Variants in SYNE1 observed in about 807,000 individuals in gnomAD.
SYNE1 encodes the protein nesprin-1.
A neutral mutation model predicts 1,111.0 loss-of-function variants in SYNE1; 616 were observed. The ratio of observed to expected loss-of-function variants is 0.55; its 90% CI spans 0.52 to 0.59. The LOEUF is 0.59. Ranked by LOEUF, SYNE1 falls within the 20% of genes least tolerant of loss-of-function variation. The probability of loss-of-function intolerance (pLI) is 0.00; values close to 1 mark genes in which losing one functional copy is unlikely to be tolerated. For synonymous variants in SYNE1, 3,855 were observed against 3,825.8 expected, an observed-to-expected ratio of 1.01 and a Z score of -0.28; for missense variants, 10,006 against 10,417.0, an observed-to-expected ratio of 0.96 and a Z score of 1.72.
At position 152,526,411 on chromosome 6, in the gene SYNE1, C is replaced by G. The variant is rs17772087; in HGVS notation, c.130-236G>C. On this transcript the variant is annotated intron_variant, in intron 4 of 145. Transcript: ENST00000367255. ...AACCTCAGAAGATTTAATGCTTGAG[C>G]CTTAATGTATGTACCAGCTTCTTTC... is the stretch of plus-strand genomic sequence containing the variant. 0.047 allele frequency among the ~76,000 whole-genome samples: 7,179 copies of G among 152,186 alleles called. 232 individuals carry two copies. The highest frequency in any genetic ancestry group is 0.066 in the Non-Finnish European group (4,483 of 68,006).
At position 152,145,265 on chromosome 6, in the gene SYNE1, C is replaced by T. The variant is rs950749345; in HGVS notation, c.24977-1500G>A. 3 of 593,366 alleles carry T rather than the reference C, an allele frequency of 5.1e-6. No homozygotes were observed. The African/African-American group carries it at 5.6e-5, about 11-fold the overall frequency. 36.8% of individuals were successfully genotyped at this position (593,366 alleles called of 1,614,324 possible). A position where few individuals can be genotyped will look rare whatever the true frequency, so the allele number is the denominator to read the frequency against. ...GTCTATACCTAATGAGACCAATCAC[C>T]ATTTAACAAGTTGAGAAGTTACTTT... On this transcript the variant is annotated intron_variant, in intron 137 of 145. Coordinates refer to ENST00000367255, the MANE Select transcript of SYNE1 (RefSeq NM_182961.4).
chr6:152,368,814 T>C, intron 61 of SYNE1, 158 bp downstream of exon 61: 1 of 874,260 alleles, frequency 1.1e-6, no homozygotes, highest in Non-Finnish European at 1.9e-6. Flanking sequence ...GAACTCAGAT[T>C]GCAAGGCTAA....
At chr6:152,326,660 T>A in intron 78 of SYNE1, 27 bp from the exon 79 acceptor site, 1 of 1,599,452 alleles carries the variant, frequency 6.3e-7, no homozygotes, top group Non-Finnish European at 8.5e-7. Context: ...GCAAACATAA[T>A]CAACTCTCCT....
rs540474251 is a variant in SYNE1 at position 152,206,514 on chromosome 6, T to C, written c.22825-152A>G. 39 of 776,776 alleles carry C rather than the reference T, an allele frequency of 5.0e-5. No homozygotes were observed. The African/African-American group carries it at 5.7e-4, about 11-fold the overall frequency. The allele number at this position is 776,776 out of a possible 1,614,324, so 48.1% of individuals were successfully genotyped here. On this transcript the variant is annotated intron_variant, in intron 125 of 145. Coordinates refer to ENST00000367255, the MANE Select transcript of SYNE1 (RefSeq NM_182961.4). The stretch of plus-strand genomic sequence containing the variant: ...GCACATGCATGCACCAGTGAATAAA[T>C]GAGTGAGAATACAATGGAGACAGGC...
At chr6:152,322,826 G>T (rs2095909234) in intron 82 of SYNE1, among the ~76,000 whole-genome samples, 1 of 152,144 alleles carries the variant, frequency 6.6e-6, no homozygotes, top group South Asian at 2.1e-4. Context: ...CCCTTCTGAA[G>T]GGATGCCTTC....
chr6:152,402,855 TAA>T (rs1158930722), intron 46 of SYNE1, among the ~76,000 whole-genome samples: 1 of 152,102 alleles, frequency 6.6e-6, no homozygotes, highest in Non-Finnish European at 1.5e-5. Flanking sequence ...CTCAACTCTG[TAA>T]AAGTCCAACT....
chr6:152,373,675 A>G (rs1236673018), intron 58 of SYNE1, among the ~76,000 whole-genome samples: 1 of 112,290 alleles, frequency 8.9e-6, no homozygotes, highest in African/African-American at 3.1e-5. Context: ...TCAAGTTGCA[A>G]ACTACTTTAT....
chr6:152,285,634 A>T (rs1157213400), intron 95 of SYNE1, among the ~76,000 whole-genome samples: 2 of 152,080 alleles, frequency 1.3e-5, no homozygotes, highest in East Asian at 3.9e-4. Flanking sequence ...GCCTTTGAAC[A>T]TGCTGTTCCC....
At chr6:152,336,652 G>C (rs2096396932) in intron 76 of SYNE1, 189 bp downstream of exon 76, 1 of 741,348 alleles carries the variant, frequency 1.3e-6, no homozygotes, top group Non-Finnish European at 2.3e-6. Flanking sequence ...GTGCGGCCAG[G>C]TTCCTAACAG....
In SYNE1 at chr6:152,294,092, C is replaced by G; in HGVS notation, c.17718G>C (p.Arg5906Ser). ...IAYYQALSAE[R>S]LQTDAAKIHP... Reference sequence around the variant, plus strand: ...GAATTTTTGCAGCATCTGTCTGCAACCTCTCAGCAGACAAGGCTTGGTAAT... The same window carrying G: ...GAATTTTTGCAGCATCTGTCTGCAAGCTCTCAGCAGACAAGGCTTGGTAAT... Residue 5906 changes from arginine (R) to serine (S), a missense_variant, in exon 94 of 146, where the codon AGG (arginine) becomes AGC (serine). By Grantham distance (110) the Arg-to-Ser change is moderately radical. Transcript: ENST00000367255. The G allele has an allele frequency of 6.2e-7, 1 of 1,613,800 alleles. No individual in the cohort carries two copies. The highest frequency in any genetic ancestry group is 1.1e-5 in the South Asian group (1 of 91,060).
chr6:152,549,250 T>C (rs2099328849), intron 3 of SYNE1, among the ~76,000 whole-genome samples: 1 of 152,232 alleles, frequency 6.6e-6, no homozygotes, highest in Non-Finnish European at 1.5e-5. Context: ...CTCAATATCG[T>C]ATTCCTAAAG....
At chr6:152,591,872 A>T (rs1297777554) in intron 3 of SYNE1, among the ~76,000 whole-genome samples, 1 of 152,198 alleles carries the variant, frequency 6.6e-6, no homozygotes, top group African/African-American at 2.4e-5. Context: ...TCATGAACAG[A>T]CACTTCTCTA....
intron 63 of SYNE1, among the ~76,000 whole-genome samples, chr6:152,363,996 A>T (rs547542384): frequency 6.6e-6 from 1 of 152,274 alleles, no homozygotes; most frequent in Admixed American, 6.5e-5. Flanking sequence ...ATCATCTTGA[A>T]TTGTAGTTCC....
chr6:152,624,500 G>A (rs573970745), intron 3 of SYNE1, among the ~76,000 whole-genome samples: 6 of 152,220 alleles, frequency 3.9e-5, no homozygotes, highest in East Asian at 3.9e-4. Context: ...AAGTGACTCC[G>A]TAAGCCACCT....
intron 130 of SYNE1, chr6:152,167,907 C>T (rs1413617155): frequency 1.3e-6 from 1 of 760,036 alleles, no homozygotes; most frequent in Admixed American, 1.7e-5. Context: ...CCTTTTTGTC[C>T]AGCTCTGCAT....
chr6:152,430,093 T>C lies in SYNE1; in HGVS notation c.4788+19A>G, dbSNP rs764033698. 4 of 1,502,096 alleles carry C rather than the reference T, an allele frequency of 2.7e-6. No individual in the cohort carries two copies. The highest frequency in any genetic ancestry group is 1.7e-5 in the Admixed American group (1 of 57,450). 93.0% of individuals were successfully genotyped at this position (1,502,096 alleles called of 1,614,324 possible). A position where few individuals can be genotyped will look rare whatever the true frequency, so the allele number is the denominator to read the frequency against. ...ATTTTAAGTTGGTAAATAGTAGAAA[T>C]GTTGAAGCATACTCTTACCATATGT... On this transcript the variant is annotated intron_variant, in intron 36 of 145. Coordinates refer to ENST00000367255, the MANE Select transcript of SYNE1 (RefSeq NM_182961.4).
chr6:152,405,371 C>T (rs902304802), intron 45 of SYNE1, among the ~76,000 whole-genome samples: 2 of 152,176 alleles, frequency 1.3e-5, no homozygotes, highest in Non-Finnish European at 2.9e-5. Context: ...TAGCATTTAC[C>T]ACCATGGTAA....
At chr6:152,355,892 TG>T (rs1447889413) in intron 66 of SYNE1, among the ~76,000 whole-genome samples, 3 of 152,182 alleles carry the variant, frequency 2.0e-5, no homozygotes, top group South Asian at 2.1e-4. Flanking sequence ...CATTCTCACA[TG>T]GTTTCAACTA....
At position 152,218,750 on chromosome 6, in the gene SYNE1, T is replaced by C. The variant is rs547100986; in HGVS notation, c.22044+253A>G. On this transcript the variant is annotated intron_variant, in intron 120 of 145. Coordinates refer to ENST00000367255, the MANE Select transcript of SYNE1 (RefSeq NM_182961.4). ...ATTAAAGCCGCTTAGTGTTTATTAA[T>C]TGAACAGGCCATGGTGGCAGGCATT... Among the ~76,000 whole-genome samples, 8 of 152,356 alleles carry C rather than the reference T, an allele frequency of 5.3e-5. No individual in the cohort carries two copies. The East Asian group carries it at 1.2e-3, about 22-fold the overall frequency.
Sources: allele counts gnomAD v4.1 joint callset (sites outside exome capture counted in the v4.1 genomes callset), GRCh38; gene constraint gnomAD v4.1.1; transcripts MANE v1.5; gene names NCBI Gene and HGNC (gene_info 2026-07-23, HGNC 2026-07-21).